PTPN1: variants seen among roughly 807,000 people sequenced by gnomAD.
PTPN1 encodes tyrosine-protein phosphatase non-receptor type 1.
A neutral mutation model predicts 59.9 loss-of-function variants in PTPN1; 12 were observed. The ratio of observed to expected loss-of-function variants is 0.20; its 90% CI spans 0.13 to 0.32. PTPN1 has a LOEUF of 0.32. Ranked by LOEUF, PTPN1 falls within the 10% of genes least tolerant of loss-of-function variation. PTPN1 has a pLI of 1.00. For missense variants in PTPN1, 356 were observed against 549.2 expected (o/e 0.65, Z 3.52); for synonymous variants, 178 against 203.6 (o/e 0.87, Z 1.07).
chr20:50,551,739 A>T (rs1316884088), intron 1 of PTPN1, among the ~76,000 whole-genome samples: 1 of 152,200 alleles, frequency 6.6e-6, no homozygotes, highest in African/African-American at 2.4e-5. Context: ...AAAATTTCTA[A>T]TTTAGTGTGA....
intron 1 of PTPN1, among the ~76,000 whole-genome samples, chr20:50,545,253 G>A (rs1269353935): frequency 6.6e-6 from 1 of 152,098 alleles, no homozygotes; most frequent in African/African-American, 2.4e-5. Flanking sequence ...ACTGCACCTG[G>A]CCCAGATACT....
chr20:50,565,188 A>G (rs2082773173), intron 3 of PTPN1, 119 bp downstream of exon 3: 1 of 1,033,272 alleles, frequency 9.7e-7, no homozygotes, highest in Non-Finnish European at 1.4e-6. Context: ...CAGCATACCA[A>G]AAAGCAGCAA....
chr20:50,546,564 A>G (rs1262053604), intron 1 of PTPN1, among the ~76,000 whole-genome samples: 1 of 152,248 alleles, frequency 6.6e-6, no homozygotes, highest in Non-Finnish European at 1.5e-5. Context: ...ATAATAATAC[A>G]TATGCCTTTT....
chr20:50,558,698 A>G (rs1336835230), intron 1 of PTPN1, among the ~76,000 whole-genome samples: 1 of 151,466 alleles, frequency 6.6e-6, no homozygotes, highest in Non-Finnish European at 1.5e-5. Context: ...AGGTCTTCTC[A>G]TTTTCCTCTA....
chr20:50,549,624 C>T (rs1416029448), intron 1 of PTPN1, among the ~76,000 whole-genome samples: 1 of 152,158 alleles, frequency 6.6e-6, no homozygotes, highest in Non-Finnish European at 1.5e-5. Context: ...ATTCAACTAT[C>T]ACCAAACCAA....
At chr20:50,553,370 AG>A (rs1209511001) in intron 1 of PTPN1, among the ~76,000 whole-genome samples, 9 of 152,234 alleles carry the variant, frequency 5.9e-5, no homozygotes, top group Admixed American at 3.9e-4. Context: ...TTTGCAGAGC[AG>A]GGTACTAAGG....
At chr20:50,541,493 A>T (rs2082652162) in intron 1 of PTPN1, among the ~76,000 whole-genome samples, 1 of 152,178 alleles carries the variant, frequency 6.6e-6, no homozygotes, top group Admixed American at 6.5e-5. Flanking sequence ...TCTTCTGGGA[A>T]GCCTCTCCAG....
intron 1 of PTPN1, among the ~76,000 whole-genome samples, chr20:50,554,446 T>C (rs112665339): frequency 6.3e-4 from 92 of 145,480 alleles, no homozygotes; most frequent in African/African-American, 2.3e-3. Context: ...GGGGAAAAAA[T>C]AAAGGCAGAG....
At chr20:50,535,486 T>G (rs952941378) in intron 1 of PTPN1, among the ~76,000 whole-genome samples, 6 of 152,140 alleles carry the variant, frequency 3.9e-5, no homozygotes, top group African/African-American at 1.4e-4. Flanking sequence ...AAATATTTTA[T>G]TATGAATACT....
chr20:50,541,037 G>A (rs764381467), intron 1 of PTPN1, among the ~76,000 whole-genome samples: 6 of 152,120 alleles, frequency 3.9e-5, no homozygotes, highest in Non-Finnish European at 7.4e-5. Flanking sequence ...ACTACATTCC[G>A]TCTCAGGAAT....
intron 1 of PTPN1, among the ~76,000 whole-genome samples, chr20:50,521,701 A>G (rs912969744): frequency 6.6e-6 from 1 of 152,258 alleles, no homozygotes; most frequent in African/African-American, 2.4e-5. Flanking sequence ...TGCTTCACGC[A>G]ATGCTTTTTA....
At chr20:50,561,033 C>T (rs932350229) in intron 1 of PTPN1, among the ~76,000 whole-genome samples, 6 of 152,218 alleles carry the variant, frequency 3.9e-5, no homozygotes, top group African/African-American at 7.2e-5. Flanking sequence ...AGCCGTCTGT[C>T]GCACCTCCTA....
intron 1 of PTPN1, among the ~76,000 whole-genome samples, chr20:50,531,283 A>G (rs1303453576): frequency 6.6e-6 from 1 of 152,226 alleles, no homozygotes; most frequent in East Asian, 1.9e-4. Context: ...AAACATAAAA[A>G]TGCCTTTTAA....
At chr20:50,516,124 G>A (rs1405880908) in intron 1 of PTPN1, among the ~76,000 whole-genome samples, 4 of 152,108 alleles carry the variant, frequency 2.6e-5, no homozygotes, top group African/African-American at 7.2e-5. Flanking sequence ...GTTCTCACAA[G>A]CCTAGCGGGC....
At chr20:50,547,662 G>A (rs539821834) in intron 1 of PTPN1, among the ~76,000 whole-genome samples, 8 of 152,142 alleles carry the variant, frequency 5.3e-5, no homozygotes, top group African/African-American at 1.7e-4. Context: ...GCACCCGGCC[G>A]TGTTAAAATT....
At chr20:50,556,004 T>C (rs1176739962) in intron 1 of PTPN1, among the ~76,000 whole-genome samples, 1 of 152,164 alleles carries the variant, frequency 6.6e-6, no homozygotes, top group African/African-American at 2.4e-5. Flanking sequence ...GAATAACAAA[T>C]TTAAGACTTA....
chr20:50,521,659 C>T (rs954319929), intron 1 of PTPN1, among the ~76,000 whole-genome samples: 2 of 152,214 alleles, frequency 1.3e-5, no homozygotes, highest in South Asian at 2.1e-4. Context: ...TCCTAGATGT[C>T]ACAAATTGGC....
At chr20:50,528,776 AAGT>A (rs1209684004) in intron 1 of PTPN1, among the ~76,000 whole-genome samples, 1 of 151,854 alleles carries the variant, frequency 6.6e-6, no homozygotes, top group Admixed American at 6.6e-5. Context: ...AATACCCAAT[AAGT>A]AGTTCCTGAA....
chr20:50,568,345 CA>C lies in PTPN1; in HGVS notation c.256-34del. 1.9e-6 allele frequency: 3 copies of C among 1,572,578 alleles called. No homozygotes were observed. Among genetic ancestry groups the C allele is most frequent in the Non-Finnish European group, 2.6e-6 (3 of 1,142,420 alleles). On this transcript the variant is annotated intron_variant, in intron 3 of 9. Transcript: ENST00000371621. This position sits in a 1 kb window ranked among gnomAD's most constrained non-coding sequence, Gnocchi z 5.6. Reference sequence around the variant, plus strand: ...GCACACGCTGTAGCATGTTATGTTTCAGATGTCACATGTTGTGTTATTGTGT... The same window carrying C: ...GCACACGCTGTAGCATGTTATGTTTCGATGTCACATGTTGTGTTATTGTGT...
Sources: allele counts gnomAD v4.1 joint callset (sites outside exome capture counted in the v4.1 genomes callset), GRCh38; gene constraint gnomAD v4.1.1; non-coding constraint Gnocchi (gnomAD v3.1); transcripts MANE v1.5; gene names NCBI Gene and HGNC (gene_info 2026-07-23, HGNC 2026-07-21).